Variants in TRAPPC9 observed in about 807,000 individuals in gnomAD.
TRAPPC9 encodes the protein trafficking protein particle complex subunit 9.
A neutral mutation model predicts 124.0 loss-of-function variants in TRAPPC9; 83 were observed. The ratio of observed to expected loss-of-function variants is 0.67; its 90% CI spans 0.56 to 0.80. The LOEUF (loss-of-function observed/expected upper bound fraction) is 0.80, where lower values mean the gene tolerates loss of function less well. TRAPPC9 is among the 30% of genes least tolerant of loss of function. TRAPPC9 has a pLI of 0.00. For synonymous variants in TRAPPC9, 638 were observed against 617.5 expected (o/e 1.03, Z -0.49); for missense variants, 1,302 against 1,508.3 (o/e 0.86, Z 2.27).
chr8:139,804,113 C>G (rs1019057513), intron 21 of TRAPPC9, among the ~76,000 whole-genome samples: 11 of 143,428 alleles, frequency 7.7e-5, no homozygotes, highest in African/African-American at 2.5e-4. Flanking sequence ...CCACCACCAC[C>G]AAACACCACC....
chr8:140,091,671 T>C (rs1203486992), intron 17 of TRAPPC9, among the ~76,000 whole-genome samples: 1 of 152,182 alleles, frequency 6.6e-6, no homozygotes, highest in Non-Finnish European at 1.5e-5. Context: ...ACAGCAGAGA[T>C]GAAAGACAGC....
chr8:139,872,388 GTGGA>G (rs112393714), intron 21 of TRAPPC9, among the ~76,000 whole-genome samples: 984 of 74,674 alleles, frequency 0.013, 10 homozygotes, highest in Non-Finnish European at 0.024. Context: ...GGATAAGTGG[GTGGA>G]TGGATGGATG....
Position 140,053,355 on chromosome 8 carries a change from C to G in TRAPPC9, c.2557-29276G>C, listed in dbSNP as rs572053074. Among the ~76,000 whole-genome samples, 38 of 152,326 alleles carry G rather than the reference C, an allele frequency of 2.5e-4. 1 individual carries two copies. In the South Asian group the frequency reaches 7.5e-3, roughly 30 times the overall value. ...AGGAGTGTGCTGCCTAATTGGCACA[C>G]ATTTGTGAATTTTCCAGTTTTCCTT... On this transcript the variant is annotated intron_variant, in intron 17 of 22. Transcript: ENST00000438773.
intron 11 of TRAPPC9, among the ~76,000 whole-genome samples, chr8:140,293,086 T>C (rs554096380): frequency 4.7e-5 from 7 of 148,416 alleles, no homozygotes; most frequent in Non-Finnish European, 3.0e-5. Flanking sequence ...AAAGAAGACA[T>C]TTATGCAGCC....
intron 17 of TRAPPC9, among the ~76,000 whole-genome samples, chr8:140,137,929 A>G (rs2061330027): frequency 6.6e-6 from 1 of 152,248 alleles, no homozygotes; most frequent in East Asian, 1.9e-4. Flanking sequence ...TAAGCATATC[A>G]TGTGTTATTA....
chr8:139,764,704 T>C (rs1266195396), intron 21 of TRAPPC9, among the ~76,000 whole-genome samples: 3 of 152,082 alleles, frequency 2.0e-5, no homozygotes, highest in Non-Finnish European at 2.9e-5. Flanking sequence ...GTCCCTGTCC[T>C]GGTGTGTACG....
chr8:140,008,892 G>C (rs774515330), intron 18 of TRAPPC9, among the ~76,000 whole-genome samples: 4 of 152,124 alleles, frequency 2.6e-5, no homozygotes, highest in Non-Finnish European at 5.9e-5. Flanking sequence ...AGTAGGAAAG[G>C]CTGGGTATAG....
At chr8:140,060,274 G>A (rs1223333936) in intron 17 of TRAPPC9, among the ~76,000 whole-genome samples, 1 of 152,220 alleles carries the variant, frequency 6.6e-6, no homozygotes, top group Non-Finnish European at 1.5e-5. Context: ...TGTCCCACGA[G>A]GTCCCTCCCC....
In TRAPPC9 at chr8:140,195,262, G is replaced by A. The variant is rs562524159; in HGVS notation, c.2556+26197C>T. Among the ~76,000 whole-genome samples the A allele has an allele frequency of 1.6e-4, 24 of 146,724 alleles. 1 individual carries two copies. Among genetic ancestry groups the A allele is most frequent in the Admixed American group, 4.7e-4 (7 of 14,828 alleles). ...CACCTGTGACACTAAAACACACAACGATCCATCATACAGATCACACCTGTG... is the reference window on the plus strand; with the variant it reads ...CACCTGTGACACTAAAACACACAACAATCCATCATACAGATCACACCTGTG... On this transcript the variant is annotated intron_variant, in intron 17 of 22. Coordinates refer to ENST00000438773, the MANE Select transcript of TRAPPC9 (RefSeq NM_001160372.4).
intron 17 of TRAPPC9, among the ~76,000 whole-genome samples, chr8:140,136,731 G>A (rs2061310746): frequency 6.6e-6 from 1 of 152,180 alleles, no homozygotes; most frequent in Non-Finnish European, 1.5e-5. Flanking sequence ...CCAGCAACAG[G>A]GGAGGCTGAC....
rs371190779 is a variant in TRAPPC9 at position 140,287,600 on chromosome 8, C to G, written c.1981+8G>C. The stretch of plus-strand genomic sequence containing the variant: ...CCTGAGCAGGAAGCATGAAGGGACT[C>G]TCCTTACCGTTCACAGTAATCGTTC... On this transcript the variant is annotated splice_region_variant and intron_variant, in intron 13 of 22. Coordinates refer to ENST00000438773, the MANE Select transcript of TRAPPC9 (RefSeq NM_001160372.4). 6.2e-7 allele frequency: 1 copy of G among 1,613,980 alleles called. No individual in the cohort carries two copies. The highest frequency in any genetic ancestry group is 1.3e-5 in the African/African-American group (1 of 74,924).
At chr8:140,269,026 T>C (rs2064787568) in intron 15 of TRAPPC9, among the ~76,000 whole-genome samples, 1 of 151,902 alleles carries the variant, frequency 6.6e-6, no homozygotes, top group Non-Finnish European at 1.5e-5. Context: ...ATGTGGGAAT[T>C]TTCTGGGGTG....
rs1363778206 is a variant in TRAPPC9 at position 140,451,023 on chromosome 8, G to A, written c.351C>T (p.Val117=). The change falls in exon 2 of 23, where the codon GTC becomes GTT. Residue 117 remains valine (V), a synonymous_variant. Coordinates refer to ENST00000438773, the MANE Select transcript of TRAPPC9 (RefSeq NM_001160372.4). ...GSTLYDSRLF[V]FGLQGEIVEQ... ...CCACGATCTCCCCCTGCAGCCCGAA[G>A]ACAAAGAGCCGGGAGTCATACAGTG... The A allele has an allele frequency of 6.2e-7, 1 of 1,614,000 alleles. No individual in the cohort carries two copies. The highest frequency in any genetic ancestry group is 8.5e-7 in the Non-Finnish European group (1 of 1,180,038).
chr8:139,829,993 G>T (rs1214841479), intron 21 of TRAPPC9, among the ~76,000 whole-genome samples: 1 of 152,212 alleles, frequency 6.6e-6, no homozygotes, highest in Non-Finnish European at 1.5e-5. Flanking sequence ...GGTAGGGGTG[G>T]CAAGGAGAAG....
chr8:140,418,458 C>T (rs997835001), intron 5 of TRAPPC9, among the ~76,000 whole-genome samples: 3 of 152,186 alleles, frequency 2.0e-5, no homozygotes, highest in African/African-American at 4.8e-5. Context: ...CAGTGGCTCA[C>T]GCCTGTAATC....
At chr8:140,331,369 T>C (rs2066890310) in intron 9 of TRAPPC9, among the ~76,000 whole-genome samples, 1 of 151,950 alleles carries the variant, frequency 6.6e-6, no homozygotes, top group African/African-American at 2.4e-5. Context: ...ACAAATCTAA[T>C]AGAAGAAAAA....
chr8:140,441,990 T>G lies in TRAPPC9; in HGVS notation c.585-2793A>C, dbSNP rs540625470. Among the ~76,000 whole-genome samples, 14 of 152,240 alleles carry G rather than the reference T, an allele frequency of 9.2e-5. No individual in the cohort carries two copies. In the South Asian group the frequency reaches 2.9e-3, roughly 32 times the overall value. On this transcript the variant is annotated intron_variant, in intron 2 of 22. Coordinates refer to ENST00000438773, the MANE Select transcript of TRAPPC9 (RefSeq NM_001160372.4). ...TCGAGACTGCAGTGAGCCATGATTTTGCCACTGCTCTCTAATCTGGGCAAC... is the reference window on the plus strand; with the variant it reads ...TCGAGACTGCAGTGAGCCATGATTTGGCCACTGCTCTCTAATCTGGGCAAC...
At chr8:139,971,503 C>A (rs1836064207) in intron 19 of TRAPPC9, among the ~76,000 whole-genome samples, 1 of 151,990 alleles carries the variant, frequency 6.6e-6, no homozygotes, top group East Asian at 1.9e-4. Context: ...CCCAGGCTGG[C>A]TGGAGGATGA....
chr8:139,913,305 G>A (rs547931933), intron 19 of TRAPPC9, among the ~76,000 whole-genome samples: 36 of 152,288 alleles, frequency 2.4e-4, no homozygotes, highest in Middle Eastern at 3.4e-3. Context: ...CTGTGTGTAC[G>A]CTCATCTTTG....
Sources: allele counts gnomAD v4.1 joint callset (sites outside exome capture counted in the v4.1 genomes callset), GRCh38; gene constraint gnomAD v4.1.1; transcripts MANE v1.5; gene names NCBI Gene and HGNC (gene_info 2026-07-23, HGNC 2026-07-21).